SPOCK3: variants seen among roughly 807,000 people sequenced by gnomAD.
The protein encoded by SPOCK3 is SPARC (osteonectin), cwcv and kazal like domains proteoglycan 3.
A neutral mutation model predicts 56.6 loss-of-function variants in SPOCK3; 30 were observed. That is an observed-to-expected ratio of 0.53 (90% CI 0.40 to 0.72). The LOEUF is 0.72. Among genes scored for constraint, SPOCK3 ranks in the 30% least tolerant of loss-of-function variants. The pLI is 0.00. For synonymous variants in SPOCK3, 196 were observed against 183.3 expected (o/e 1.07, Z -0.56); for missense variants, 527 against 530.0 (o/e 0.99, Z 0.06).
Position 167,234,056 on chromosome 4 carries a change from C to A in SPOCK3, c.118G>T (p.Asp40Tyr). 1 of 1,614,012 alleles carries A rather than the reference C, an allele frequency of 6.2e-7. No individual in the cohort carries two copies. Among genetic ancestry groups the A allele is most frequent in the Admixed American group, 1.7e-5 (1 of 60,022 alleles). ...GGRSDGGNFL[D>Y]DKQWLTTISQ... Reference sequence around the variant, plus strand: ...ATTGTGGTGAGCCATTGTTTATCATCCAGAAAATTACCGCCGTCCGACCGC... The same window carrying A: ...ATTGTGGTGAGCCATTGTTTATCATACAGAAAATTACCGCCGTCCGACCGC... The change falls in exon 2 of 11, where the codon GAT becomes TAT. Residue 40 changes from aspartate to tyrosine, a missense_variant. Transcript: ENST00000357545.
chr4:166,880,696 C>A (rs956622485), intron 6 of SPOCK3, among the ~76,000 whole-genome samples: 2 of 152,130 alleles, frequency 1.3e-5, no homozygotes, highest in Admixed American at 6.6e-5. Context: ...ATTCTCCTCT[C>A]CTTTCCTAAA....
At chr4:167,096,071 T>G (rs1031632679) in intron 2 of SPOCK3, among the ~76,000 whole-genome samples, 4 of 151,916 alleles carry the variant, frequency 2.6e-5, no homozygotes, top group Non-Finnish European at 5.9e-5. Flanking sequence ...TGGCTTTCTA[T>G]GTGCAAAACT....
At chr4:166,742,792 G>A (rs1735031956) in intron 8 of SPOCK3, among the ~76,000 whole-genome samples, 1 of 152,108 alleles carries the variant, frequency 6.6e-6, no homozygotes, top group Non-Finnish European at 1.5e-5. Context: ...CCACTTGAAG[G>A]AGGACGTTCG....
intron 3 of SPOCK3, among the ~76,000 whole-genome samples, chr4:167,019,021 TA>T (rs775787395): frequency 6.6e-6 from 1 of 152,022 alleles, no homozygotes; most frequent in African/African-American, 2.4e-5. Context: ...TTTGAAACGA[TA>T]AAAAATCAGC....
chr4:167,162,333 G>A (rs758750193), intron 2 of SPOCK3, among the ~76,000 whole-genome samples: 348 of 151,870 alleles, frequency 2.3e-3, no homozygotes, highest in Non-Finnish European at 4.4e-3. Context: ...CAATGGGTGA[G>A]GAAAATATTC....
intron 6 of SPOCK3, among the ~76,000 whole-genome samples, chr4:166,805,688 T>A (rs1436298932): frequency 1.3e-5 from 2 of 152,100 alleles, no homozygotes; most frequent in Non-Finnish European, 2.9e-5. Flanking sequence ...CAATCAATTC[T>A]AGTAGCCATT....
chr4:166,736,057 TATA>T (rs1408810457), intron 10 of SPOCK3, among the ~76,000 whole-genome samples: 1 of 152,130 alleles, frequency 6.6e-6, no homozygotes, highest in African/African-American at 2.4e-5. Flanking sequence ...ATTTTATTCT[TATA>T]ATTATTTGGT....
At chr4:167,017,196 A>G (rs1750708405) in intron 3 of SPOCK3, among the ~76,000 whole-genome samples, 1 of 152,052 alleles carries the variant, frequency 6.6e-6, no homozygotes, top group Admixed American at 6.6e-5. Flanking sequence ...TAAAACTCCA[A>G]ACAGTGGGGC....
At chr4:167,042,285 C>T (rs1753297918) in intron 3 of SPOCK3, among the ~76,000 whole-genome samples, 2 of 152,012 alleles carry the variant, frequency 1.3e-5, no homozygotes. Context: ...TGGTTGAATC[C>T]TTGGATGTGG....
At chr4:166,989,420 C>G (rs1036977314) in intron 4 of SPOCK3, among the ~76,000 whole-genome samples, 1 of 152,028 alleles carries the variant, frequency 6.6e-6, no homozygotes, top group Admixed American at 6.6e-5. Context: ...TAATAACAGG[C>G]AAAATCCCTC....
At chr4:167,233,931 C>T in intron 2 of SPOCK3, 54 bp downstream of exon 2, 1 of 1,532,630 alleles carries the variant, frequency 6.5e-7, no homozygotes, top group South Asian at 1.1e-5. Context: ...GCCGCGGCCC[C>T]CGCCTCGGAG....
In SPOCK3 at chr4:166,816,920, T is replaced by G. The variant is rs937598540; in HGVS notation, c.590-24631A>C. Among the ~76,000 whole-genome samples the G allele has an allele frequency of 2.0e-5, 3 of 152,194 alleles. No individual in the cohort carries two copies. The East Asian group carries it at 5.8e-4, about 30-fold the overall frequency. ...ATGCCCTTTTATCTTAACTTTGTAC[T>G]GGGTGCACCATTTTATATTCTTTCC... is the stretch of plus-strand genomic sequence containing the variant. On this transcript the variant is annotated intron_variant, in intron 6 of 10. Transcript: ENST00000357545.
intron 4 of SPOCK3, among the ~76,000 whole-genome samples, chr4:166,926,157 G>T (rs1035726156): frequency 2.0e-5 from 3 of 148,672 alleles, no homozygotes; most frequent in African/African-American, 7.3e-5. Flanking sequence ...AATCCCTTTG[G>T]TGAAGCTAAA....
At chr4:166,920,016 C>G (rs1213132164) in intron 4 of SPOCK3, among the ~76,000 whole-genome samples, 1 of 152,040 alleles carries the variant, frequency 6.6e-6, no homozygotes, top group East Asian at 1.9e-4. Context: ...CAATCTTATA[C>G]AGTGTGTATT....
intron 2 of SPOCK3, among the ~76,000 whole-genome samples, chr4:167,138,995 T>C (rs1288481452): frequency 6.6e-6 from 1 of 151,934 alleles, no homozygotes; most frequent in Non-Finnish European, 1.5e-5. Flanking sequence ...AACACAGCAG[T>C]GTCAAAAACT....
intron 2 of SPOCK3, among the ~76,000 whole-genome samples, chr4:167,109,658 GT>G (rs1760725843): frequency 6.8e-6 from 1 of 146,260 alleles, no homozygotes; most frequent in Non-Finnish European, 1.5e-5. Flanking sequence ...GGTCTTACTT[GT>G]TTTACAAAGA....
At chr4:167,072,325 G>C (rs546254488) in intron 2 of SPOCK3, among the ~76,000 whole-genome samples, 1 of 152,066 alleles carries the variant, frequency 6.6e-6, no homozygotes, top group South Asian at 2.1e-4. Context: ...AGTTTTATTA[G>C]CCACACCCCT....
chr4:166,802,125 T>G (rs546292830), intron 6 of SPOCK3, among the ~76,000 whole-genome samples: 1 of 152,092 alleles, frequency 6.6e-6, no homozygotes, highest in South Asian at 2.1e-4. Flanking sequence ...CGAGAACACA[T>G]AAATTAGAGA....
chr4:166,902,187 C>T (rs1039620898), intron 5 of SPOCK3, among the ~76,000 whole-genome samples: 15 of 152,008 alleles, frequency 9.9e-5, no homozygotes, highest in African/African-American at 3.4e-4. Flanking sequence ...ACATTTCCAC[C>T]GTTTTCTGAA....
Sources: gnomAD v4.1 joint callset for allele counts (sites outside exome capture counted in the v4.1 genomes callset) on GRCh38, gnomAD v4.1.1 for gene constraint, MANE v1.5 for transcripts, NCBI Gene and HGNC (gene_info 2026-07-23, HGNC 2026-07-21) for gene names.